FREM1: variants seen among roughly 807,000 people sequenced by gnomAD.
FREM1 encodes the protein FRAS1 related extracellular matrix 1, also known as FRAS1-related extracellular matrix protein 1.
In FREM1, 220 loss-of-function variants were observed where a neutral mutation model predicts 210.1. The ratio of observed to expected loss-of-function variants is 1.05; its 90% CI spans 0.94 to 1.17. The LOEUF is 1.17. FREM1 is among the 50% of genes most tolerant of loss of function. FREM1 has a pLI of 0.00. For missense variants in FREM1, 3,454 were observed against 2,675.5 expected, an observed-to-expected ratio of 1.29 and a Z score of -6.42; for synonymous variants, 1,189 against 980.2, an observed-to-expected ratio of 1.21 and a Z score of -3.98.
intron 27 of FREM1, among the ~76,000 whole-genome samples, chr9:14,761,793 G>A (rs1376544914): frequency 6.6e-6 from 1 of 152,136 alleles, no homozygotes; most frequent in Non-Finnish European, 1.5e-5. Context: ...TCTGTAGCTG[G>A]CTTGGTTATC....
At chr9:14,744,220 T>G (rs1182307255) in intron 35 of FREM1, among the ~76,000 whole-genome samples, 1 of 152,048 alleles carries the variant, frequency 6.6e-6, no homozygotes, top group Non-Finnish European at 1.5e-5. Flanking sequence ...AACACACTTT[T>G]AAAACATTTT....
chr9:14,797,775 T>A, intron 20 of FREM1, 133 bp from the exon 21 acceptor site: 1 of 600,498 alleles, frequency 1.7e-6, no homozygotes, highest in Non-Finnish European at 2.8e-6. Context: ...AGGGTGAAAT[T>A]AAACTTGTTT....
At chr9:14,884,865 C>T (rs1202924267) in intron 1 of FREM1, among the ~76,000 whole-genome samples, 2 of 151,948 alleles carry the variant, frequency 1.3e-5, no homozygotes, top group South Asian at 2.1e-4. Context: ...CAAGTGCCTT[C>T]CCCCTCCTAT....
At chr9:14,777,774 T>C (rs1848873889) in intron 24 of FREM1, among the ~76,000 whole-genome samples, 1 of 152,160 alleles carries the variant, frequency 6.6e-6, no homozygotes. Context: ...ATTGATCCTT[T>C]TGAGCATGAA....
intron 1 of FREM1, among the ~76,000 whole-genome samples, chr9:14,886,833 G>A (rs896645675): frequency 1.3e-5 from 2 of 148,966 alleles, no homozygotes; most frequent in African/African-American, 2.5e-5. Flanking sequence ...GGAGATCGAG[G>A]TTGCACAGAG....
At chr9:14,845,924 G>C in intron 8 of FREM1, 36 bp downstream of exon 8, 1 of 1,608,458 alleles carries the variant, frequency 6.2e-7, no homozygotes, top group Non-Finnish European at 8.5e-7. Flanking sequence ...AAATACTTTT[G>C]GATTCTTTGC....
chr9:14,792,093 T>A (rs930044528), intron 22 of FREM1, among the ~76,000 whole-genome samples: 1 of 152,192 alleles, frequency 6.6e-6, no homozygotes, highest in African/African-American at 2.4e-5. Context: ...TCCGCCCACC[T>A]TGGCCTCCCA....
chr9:14,748,776 T>C, intron 30 of FREM1, 137 bp from the exon 31 acceptor site: 1 of 628,476 alleles, frequency 1.6e-6, no homozygotes, highest in Non-Finnish European at 2.8e-6. Context: ...CTTTTTGCCA[T>C]TTGCCAGAAA....
chr9:14,741,767 A>C (rs998698040), intron 35 of FREM1, among the ~76,000 whole-genome samples: 2 of 152,174 alleles, frequency 1.3e-5, no homozygotes, highest in African/African-American at 4.8e-5. Context: ...TATTGAACTA[A>C]TTTGCTTACT....
At chr9:14,748,066 T>C (rs1333571822) in intron 31 of FREM1, among the ~76,000 whole-genome samples, 1 of 152,106 alleles carries the variant, frequency 6.6e-6, no homozygotes, top group Non-Finnish European at 1.5e-5. Context: ...GTTAATAAGG[T>C]CAAAGCCATG....
At chr9:14,760,012 TG>T in intron 27 of FREM1, 111 bp from the exon 28 acceptor site, 1 of 699,026 alleles carries the variant, frequency 1.4e-6, no homozygotes, top group Non-Finnish European at 2.2e-6. Flanking sequence ...ACACCAGTGA[TG>T]GAAATTCCTT....
At chr9:14,891,373 T>G (rs575829915) in intron 1 of FREM1, among the ~76,000 whole-genome samples, 1 of 152,316 alleles carries the variant, frequency 6.6e-6, no homozygotes, top group Admixed American at 6.5e-5. Flanking sequence ...AAAAAAAAAT[T>G]CTTGCCCTTA....
intron 6 of FREM1, among the ~76,000 whole-genome samples, chr9:14,849,608 A>C (rs1008596981): frequency 1.1e-4 from 17 of 152,256 alleles, no homozygotes; most frequent in African/African-American, 4.1e-4. Context: ...AAATAACAAA[A>C]GAAACTGATT....
At chr9:14,881,265 C>T (rs1834746065) in intron 1 of FREM1, among the ~76,000 whole-genome samples, 1 of 152,202 alleles carries the variant, frequency 6.6e-6, no homozygotes, top group Non-Finnish European at 1.5e-5. Context: ...GGTCTTTGTA[C>T]ATGTTGTGTA....
chr9:14,792,059 G>A (rs1019929491), intron 22 of FREM1, among the ~76,000 whole-genome samples: 4 of 152,052 alleles, frequency 2.6e-5, no homozygotes, highest in Non-Finnish European at 5.9e-5. Flanking sequence ...TGGCCAGGAT[G>A]GTCTTGATCT....
chr9:14,871,639 GC>G, intron 1 of FREM1, among the ~76,000 whole-genome samples: 1 of 152,220 alleles, frequency 6.6e-6, no homozygotes, highest in East Asian at 1.9e-4. Context: ...CTTTTGCTGT[GC>G]AGAAGCTCTT....
At chr9:14,809,527 A>C (rs142520893) in intron 16 of FREM1, among the ~76,000 whole-genome samples, 3 of 152,234 alleles carry the variant, frequency 2.0e-5, no homozygotes, top group African/African-American at 4.8e-5. Flanking sequence ...AAGGATGAGA[A>C]AACTGGGCTT....
At chr9:14,848,873 T>A in intron 6 of FREM1, 100 bp from the exon 7 acceptor site, 2 of 598,436 alleles carry the variant, frequency 3.3e-6, no homozygotes, top group South Asian at 5.7e-5. Flanking sequence ...TTCAGTTTTC[T>A]GCGGGGATTC....
intron 27 of FREM1, among the ~76,000 whole-genome samples, chr9:14,765,669 G>A (rs1003241899): frequency 2.6e-4 from 39 of 152,222 alleles, no homozygotes; most frequent in African/African-American, 8.4e-4. Flanking sequence ...ACATTGCAAC[G>A]TTTGCCTGAT....
Sources: gnomAD v4.1 joint callset for allele counts (sites outside exome capture counted in the v4.1 genomes callset) on GRCh38, gnomAD v4.1.1 for gene constraint, MANE v1.5 for transcripts, NCBI Gene and HGNC (gene_info 2026-07-23, HGNC 2026-07-21) for gene names.